The following DLGAP1 variants were observed in gnomAD, a reference collection of about 807,000 sequenced individuals.
DLGAP1 encodes disks large-associated protein 1.
In DLGAP1, 11 loss-of-function variants were observed where a neutral mutation model predicts 90.8. The ratio of observed to expected loss-of-function variants is 0.12; its 90% CI spans 0.08 to 0.20. DLGAP1 has a LOEUF of 0.20. DLGAP1 is among the 10% of genes least tolerant of loss of function. The pLI, the probability that DLGAP1 is intolerant of heterozygous loss-of-function variation, is 1.00. For missense variants in DLGAP1, 1,050 were observed against 1,333.8 expected, an observed-to-expected ratio of 0.79 and a Z score of 3.31; for synonymous variants, 558 against 540.7, an observed-to-expected ratio of 1.03 and a Z score of -0.44.
intron 5 of DLGAP1, among the ~76,000 whole-genome samples, chr18:3,800,182 G>A (rs2066220857): frequency 6.6e-6 from 1 of 152,022 alleles, no homozygotes; most frequent in South Asian, 2.1e-4. Context: ...CTTGCTTTTT[G>A]CTTCATTTTC....
intron 7 of DLGAP1, among the ~76,000 whole-genome samples, chr18:3,619,947 G>A (rs1464027561): frequency 5.9e-5 from 9 of 151,620 alleles, no homozygotes; most frequent in South Asian, 2.1e-4. Context: ...CTCCTAAGTA[G>A]CCGGAACTAT....
chr18:4,424,941 A>T (rs73370848), intron 1 of DLGAP1, among the ~76,000 whole-genome samples: 9,128 of 151,830 alleles, frequency 0.06, 885 homozygotes, highest in African/African-American at 0.21. Flanking sequence ...ACTTCTTTTA[A>T]ATCTAAAATA....
rs373798636 is a variant in DLGAP1 at position 4,452,834 on chromosome 18, T to C, written c.-267+2172A>G. Among the ~76,000 whole-genome samples the C allele has an allele frequency of 1.6e-4, 25 of 152,310 alleles. No individual in the cohort carries two copies. The East Asian group carries it at 3.1e-3, about 19-fold the overall frequency. On this transcript the variant is annotated intron_variant, in intron 1 of 12. Transcript: ENST00000315677. ...TACTCATTATTTCCCCAAAGCACAA[T>C]TGCTTGTGTGAGATTTAAGAAGCCT...
At chr18:4,180,711 T>G (rs1291822587) in intron 1 of DLGAP1, among the ~76,000 whole-genome samples, 1 of 152,196 alleles carries the variant, frequency 6.6e-6, no homozygotes, top group Non-Finnish European at 1.5e-5. Flanking sequence ...TGTGTTCCGT[T>G]TCTCACACAC....
intron 3 of DLGAP1, among the ~76,000 whole-genome samples, chr18:3,990,296 T>C (rs1599279790): frequency 6.6e-6 from 1 of 151,986 alleles, no homozygotes; most frequent in Admixed American, 6.6e-5. Flanking sequence ...TGGAATACTA[T>C]GCAGCCATAA....
chr18:4,204,876 A>C (rs1304062033), intron 1 of DLGAP1, among the ~76,000 whole-genome samples: 1 of 93,850 alleles, frequency 1.1e-5, no homozygotes, highest in African/African-American at 4.4e-5. Context: ...GCCTTTTCCC[A>C]ATTTTTTTTT....
At chr18:4,086,509 A>G (rs1222242988) in intron 2 of DLGAP1, among the ~76,000 whole-genome samples, 1 of 152,160 alleles carries the variant, frequency 6.6e-6, no homozygotes, top group Non-Finnish European at 1.5e-5. Flanking sequence ...TTGTGTTCTC[A>G]TTTTAATTCC....
At chr18:4,063,182 G>T (rs2075323197) in intron 2 of DLGAP1, among the ~76,000 whole-genome samples, 1 of 152,030 alleles carries the variant, frequency 6.6e-6, no homozygotes, top group Non-Finnish European at 1.5e-5. Flanking sequence ...CTAATGAGAG[G>T]CGATAAATGG....
chr18:4,243,481 C>T (rs1429808611), intron 1 of DLGAP1, among the ~76,000 whole-genome samples: 1 of 152,102 alleles, frequency 6.6e-6, no homozygotes, highest in Non-Finnish European at 1.5e-5. Flanking sequence ...GAACTCATCC[C>T]CTTGGCAAGA....
chr18:3,602,996 C>T (rs2057144973), intron 7 of DLGAP1: 1 of 152,156 alleles, frequency 6.6e-6, no homozygotes, highest in Non-Finnish European at 1.5e-5. Flanking sequence ...GCCTGTGTTC[C>T]AAAGAGAACA....
intron 7 of DLGAP1, among the ~76,000 whole-genome samples, chr18:3,625,312 C>T (rs114345278): frequency 0.018 from 2,760 of 152,224 alleles, 75 homozygotes; most frequent in African/African-American, 0.063. Flanking sequence ...CCTCCCACCC[C>T]GTGAGAGGTT....
chr18:3,580,802 C>T (rs574494549), intron 8 of DLGAP1: 26 of 1,574,252 alleles, frequency 1.7e-5, no homozygotes, highest in Middle Eastern at 1.8e-4. Flanking sequence ...GGTGCCGAAG[C>T]GTCTTCCACC....
At chr18:4,330,436 A>G (rs2080923535) in intron 1 of DLGAP1, among the ~76,000 whole-genome samples, 2 of 151,706 alleles carry the variant, frequency 1.3e-5, no homozygotes, top group South Asian at 4.1e-4. Flanking sequence ...CTTGCCATAT[A>G]GTCTCTTTAG....
chr18:3,794,069 C>T (rs1326784219), intron 5 of DLGAP1, among the ~76,000 whole-genome samples: 1 of 152,154 alleles, frequency 6.6e-6, no homozygotes, highest in African/African-American at 2.4e-5. Flanking sequence ...CAAATGAACC[C>T]ATGAATGAAC....
At chr18:4,343,595 T>C (rs1281077144) in intron 1 of DLGAP1, among the ~76,000 whole-genome samples, 1 of 152,088 alleles carries the variant, frequency 6.6e-6, no homozygotes, top group East Asian at 1.9e-4. Context: ...CCTTTCTAAA[T>C]TAAAATGTTA....
intron 1 of DLGAP1, among the ~76,000 whole-genome samples, chr18:4,173,033 A>C (rs1296023703): frequency 1.3e-5 from 2 of 152,224 alleles, no homozygotes; most frequent in Non-Finnish European, 2.9e-5. Flanking sequence ...GGTTTTCCAC[A>C]ATTTTTTAAA....
At chr18:4,430,192 T>A (rs1380239886) in intron 1 of DLGAP1, among the ~76,000 whole-genome samples, 1 of 152,128 alleles carries the variant, frequency 6.6e-6, no homozygotes, top group East Asian at 1.9e-4. Flanking sequence ...AGATGGATGG[T>A]GTGGTTAGGG....
intron 7 of DLGAP1, among the ~76,000 whole-genome samples, chr18:3,601,846 G>GAAAAAA (rs60470269): frequency 6.2e-5 from 6 of 96,976 alleles, no homozygotes; most frequent in African/African-American, 1.4e-4. Flanking sequence ...CTCCATCTCG[G>GAAAAAA]AAAAAAAAAA....
At chr18:3,802,278 C>T (rs533963821) in intron 5 of DLGAP1, among the ~76,000 whole-genome samples, 1 of 152,334 alleles carries the variant, frequency 6.6e-6, no homozygotes, top group East Asian at 1.9e-4. Flanking sequence ...CCACCGACCC[C>T]GCCACGCAGG....
Sources: gnomAD v4.1 joint callset for allele counts (sites outside exome capture counted in the v4.1 genomes callset) on GRCh38, gnomAD v4.1.1 for gene constraint, MANE v1.5 for transcripts, NCBI Gene and HGNC (gene_info 2026-07-23, HGNC 2026-07-21) for gene names.